The following TENM4 variants were observed in gnomAD, a reference collection of about 807,000 sequenced individuals.
TENM4 encodes the protein teneurin transmembrane protein 4, also known as teneurin-4.
A neutral mutation model predicts 243.3 loss-of-function variants in TENM4; 82 were observed. The observed-to-expected ratio is 0.34, with a 90% CI of 0.28 to 0.40. The LOEUF is 0.40. Ranked by LOEUF, TENM4 falls within the 10% of genes least tolerant of loss-of-function variation. The pLI, the probability that TENM4 is intolerant of heterozygous loss-of-function variation, is 1.00. For synonymous variants in TENM4, 1,412 were observed against 1,456.3 expected, an observed-to-expected ratio of 0.97 and a Z score of 0.69; for missense variants, 3,138 against 3,673.3, an observed-to-expected ratio of 0.85 and a Z score of 3.77.
intron 2 of TENM4, among the ~76,000 whole-genome samples, chr11:79,248,633 T>TA (rs754643268): frequency 5.9e-5 from 9 of 152,326 alleles, no homozygotes; most frequent in East Asian, 1.9e-4. Flanking sequence ...ATACTATTTT[T>TA]AAAAAACCAT....
chr11:79,219,217 G>A (rs17137882), intron 2 of TENM4, among the ~76,000 whole-genome samples: 54,800 of 151,966 alleles, frequency 0.36, 10,834 homozygotes, highest in East Asian at 0.77. Context: ...ATGACAAAGA[G>A]CAAGTGTCGA....
rs1855849566 is a variant in TENM4 at position 78,738,462 on chromosome 11, C to T, written c.2865G>A (p.Arg955=). The part of the protein sequence containing the change: ...NNPLFGYTIS[R]QDGSFDLVTN... Reference sequence around the variant, plus strand: ...AGAAGGTCTCCTACCTGCCATCTTGCCTGCTGATTGTATATCCAAAGAGAG... The same window carrying T: ...AGAAGGTCTCCTACCTGCCATCTTGTCTGCTGATTGTATATCCAAAGAGAG... The change falls in exon 20 of 34, where the codon AGG becomes AGA. Residue 955 remains arginine (R), a synonymous_variant. Transcript: ENST00000278550. 4 of 1,613,602 alleles carry T rather than the reference C, an allele frequency of 2.5e-6. No homozygotes were observed. Among genetic ancestry groups the T allele is most frequent in the Admixed American group, 3.3e-5 (2 of 59,988 alleles).
intron 6 of TENM4, among the ~76,000 whole-genome samples, chr11:79,023,815 A>T (rs1859000003): frequency 6.6e-6 from 1 of 152,162 alleles, no homozygotes; most frequent in Non-Finnish European, 1.5e-5. Flanking sequence ...TGGGGAACAA[A>T]CATGGCTGGA....
At chr11:79,066,585 T>A (rs1482262900) in intron 5 of TENM4, among the ~76,000 whole-genome samples, 1 of 150,804 alleles carries the variant, frequency 6.6e-6, no homozygotes, top group African/African-American at 2.4e-5. Flanking sequence ...CACACACACA[T>A]GCACACAAGC....
At chr11:79,208,560 G>C (rs984437874) in intron 3 of TENM4, among the ~76,000 whole-genome samples, 4 of 152,154 alleles carry the variant, frequency 2.6e-5, no homozygotes, top group Non-Finnish European at 5.9e-5. Context: ...GAAGAAGCTC[G>C]GCTTCATAGC....
At position 78,854,266 on chromosome 11, in the gene TENM4, C is replaced by T; in HGVS notation, c.1519G>A (p.Ala507Thr). 1 of 1,539,670 alleles carries T rather than the reference C, an allele frequency of 6.5e-7. No individual in the cohort carries two copies. Among genetic ancestry groups the T allele is most frequent in the Non-Finnish European group, 8.8e-7 (1 of 1,140,508 alleles). ...LDGRRLLTQEARSLEGTPRQS... is the reference protein window; with the variant it reads ...LDGRRLLTQETRSLEGTPRQS... ...CGCGGGGTCCCCTCTAGGCTCCGCG[C>T]CTCCTGGGTTAGGAGCCTCCTGCCA... Residue 507 changes from alanine (A) to threonine (T), a missense_variant, in exon 12 of 34, where the codon GCG becomes ACG. Around this residue, in one of 2 missense-constraint regions of TENM4, gnomAD observed 2,467 missense variants for 3,059.1 expected, o/e 0.81. Coordinates refer to ENST00000278550, the MANE Select transcript of TENM4 (RefSeq NM_001098816.3).
intron 3 of TENM4, among the ~76,000 whole-genome samples, chr11:79,176,730 A>G (rs1296243976): frequency 1.3e-5 from 2 of 152,232 alleles, no homozygotes; most frequent in African/African-American, 2.4e-5. Context: ...TACAGTATTT[A>G]GTATATAGTA....
intron 7 of TENM4, among the ~76,000 whole-genome samples, chr11:78,898,304 C>A (rs548726557): frequency 9.8e-5 from 15 of 152,376 alleles, no homozygotes; most frequent in Admixed American, 8.5e-4. Context: ...CTTTCTTTTT[C>A]TGCCAGCATG....
chr11:79,305,999 C>T (rs150218999), intron 1 of TENM4, among the ~76,000 whole-genome samples: 229 of 152,350 alleles, frequency 1.5e-3, no homozygotes, highest in Non-Finnish European at 2.6e-3. Context: ...CCAAGCTGTT[C>T]CTCTCTGACT....
chr11:78,896,299 T>C (rs1372054350), intron 7 of TENM4, among the ~76,000 whole-genome samples: 3 of 151,774 alleles, frequency 2.0e-5, no homozygotes, highest in Admixed American at 6.6e-5. Flanking sequence ...GTGCAGGGGG[T>C]TAGTGACTCA....
At position 79,058,523 on chromosome 11, in the gene TENM4, G is replaced by A. The variant is rs866568607; in HGVS notation, c.493+6215C>T. Among the ~76,000 whole-genome samples the A allele has an allele frequency of 2.9e-4, 42 of 147,350 alleles. No individual in the cohort carries two copies. The Middle Eastern group carries it at 0.01, about 37-fold the overall frequency. On this transcript the variant is annotated intron_variant, in intron 6 of 33. Coordinates refer to ENST00000278550, the MANE Select transcript of TENM4 (RefSeq NM_001098816.3). Reference sequence around the variant, plus strand: ...CGTGCCACTGCACTCCAGCCTGGACGACAGAGTGAGACTCCATCTCAAAAA... The same window carrying A: ...CGTGCCACTGCACTCCAGCCTGGACAACAGAGTGAGACTCCATCTCAAAAA...
intron 2 of TENM4, among the ~76,000 whole-genome samples, chr11:79,256,879 T>C (rs183125017): frequency 3.3e-5 from 5 of 152,316 alleles, no homozygotes; most frequent in African/African-American, 1.2e-4. Context: ...TCCATCCATC[T>C]GGTCACTGTG....
intron 6 of TENM4, among the ~76,000 whole-genome samples, chr11:78,991,128 C>T (rs1858033287): frequency 6.6e-6 from 1 of 152,112 alleles, no homozygotes; most frequent in Non-Finnish European, 1.5e-5. Flanking sequence ...TTTTGGTAGT[C>T]ACAATGACTA....
chr11:78,689,293 G>A (rs1410871860), intron 28 of TENM4, among the ~76,000 whole-genome samples: 1 of 152,134 alleles, frequency 6.6e-6, no homozygotes, highest in Admixed American at 6.5e-5. Flanking sequence ...TGGCAGGAGT[G>A]GGCTATTAAC....
chr11:78,753,937 A>AT (rs1327087798), intron 19 of TENM4, among the ~76,000 whole-genome samples: 1 of 152,202 alleles, frequency 6.6e-6, no homozygotes, highest in East Asian at 1.9e-4. Flanking sequence ...CTGCAATGTG[A>AT]TTTTTAGCAG....
At chr11:78,958,419 A>G (rs1857251767) in intron 6 of TENM4, among the ~76,000 whole-genome samples, 1 of 152,200 alleles carries the variant, frequency 6.6e-6, no homozygotes, top group African/African-American at 2.4e-5. Flanking sequence ...TGCTTTTTCA[A>G]CTGTGACTAG....
intron 6 of TENM4, among the ~76,000 whole-genome samples, chr11:79,000,261 G>A (rs912468392): frequency 3.3e-5 from 5 of 152,124 alleles, no homozygotes; most frequent in Non-Finnish European, 4.4e-5. Context: ...CTTTTAAGCT[G>A]AAAGGGAATA....
chr11:78,899,382 C>T (rs1367553014), intron 7 of TENM4, among the ~76,000 whole-genome samples: 2 of 151,822 alleles, frequency 1.3e-5, no homozygotes, highest in Non-Finnish European at 2.9e-5. Context: ...TGCTTGTGCC[C>T]AGGAGTTCAA....
chr11:78,723,037 G>A (rs1348552143), intron 23 of TENM4, 120 bp from the exon 24 acceptor site: 4 of 1,401,000 alleles, frequency 2.9e-6, no homozygotes, highest in East Asian at 2.4e-5. Flanking sequence ...CCATTTCCAG[G>A]ATCATAGCCC....
Sources: allele counts gnomAD v4.1 joint callset (sites outside exome capture counted in the v4.1 genomes callset), GRCh38; gene constraint gnomAD v4.1.1; regional missense constraint gnomAD v4.1.1; transcripts MANE v1.5; gene names NCBI Gene and HGNC (gene_info 2026-07-23, HGNC 2026-07-21).